PRKN: variants seen among roughly 807,000 people sequenced by gnomAD.
The protein encoded by PRKN is E3 ubiquitin-protein ligase parkin.
PRKN carries 56 observed loss-of-function variants against 59.5 expected under a neutral mutation model. The observed-to-expected ratio is 0.94, with a 90% CI of 0.76 to 1.18. PRKN has a LOEUF of 1.18. Among genes scored for constraint, PRKN ranks in the 50% most tolerant of loss-of-function variants. PRKN has a pLI of 0.00. For synonymous variants in PRKN, 250 were observed against 222.1 expected (o/e 1.13, Z -1.12); for missense variants, 657 against 596.4 (o/e 1.10, Z -1.06).
chr6:162,142,423 A>G (rs1356554407), intron 4 of PRKN, among the ~76,000 whole-genome samples: 1 of 152,186 alleles, frequency 6.6e-6, no homozygotes, highest in Non-Finnish European at 1.5e-5. Flanking sequence ...CCTCATTTGA[A>G]TAATGGAGAT....
chr6:161,393,613 T>C lies in PRKN; in HGVS notation c.1084-6736A>G, dbSNP rs1157907357. On this transcript the variant is annotated intron_variant, in intron 9 of 11. Transcript: ENST00000366898. This position sits in a 1 kb window ranked among gnomAD's most constrained non-coding sequence, Gnocchi z 4.7. ...AGGGGCTGTATGTGTACTTTCTCTG[T>C]GGAAGCATGAAAAGGAAGCAAATGA... Among the ~76,000 whole-genome samples, 1 of 152,138 alleles carries C rather than the reference T, an allele frequency of 6.6e-6. No individual in the cohort carries two copies. Among genetic ancestry groups the C allele is most frequent in the Admixed American group, 6.5e-5 (1 of 15,280 alleles).
At chr6:161,569,078 G>T (rs2115479097) in intron 8 of PRKN, among the ~76,000 whole-genome samples, 1 of 152,202 alleles carries the variant, frequency 6.6e-6, no homozygotes, top group East Asian at 1.9e-4. Flanking sequence ...TTATTTGTTT[G>T]CTCATCTGCC....
chr6:162,453,903 C>A (rs1283465958), intron 1 of PRKN, among the ~76,000 whole-genome samples: 1 of 151,188 alleles, frequency 6.6e-6, no homozygotes, highest in African/African-American at 2.4e-5. Context: ...GACTGTGTCT[C>A]CAAAAAAAAA....
At chr6:162,021,187 TATATATATA>T (rs1340165789) in intron 5 of PRKN, among the ~76,000 whole-genome samples, 6 of 22,758 alleles carry the variant, frequency 2.6e-4, no homozygotes, top group Non-Finnish European at 4.3e-4. Context: ...GTATATATAT[TATATATATA>T]ATATATATAA....
At chr6:161,873,470 T>TG (rs1475243783) in intron 6 of PRKN, among the ~76,000 whole-genome samples, 1 of 151,170 alleles carries the variant, frequency 6.6e-6, no homozygotes, top group African/African-American at 2.4e-5. Context: ...CTAAATACAA[T>TG]GCGTATCGGA....
At chr6:162,113,852 A>G (rs1016821891) in intron 4 of PRKN, among the ~76,000 whole-genome samples, 1 of 152,070 alleles carries the variant, frequency 6.6e-6, no homozygotes, top group Non-Finnish European at 1.5e-5. Context: ...TTTTAGGTCT[A>G]ACGTTTAAGT....
chr6:161,811,389 G>C (rs1190369425), intron 6 of PRKN, among the ~76,000 whole-genome samples: 1 of 152,182 alleles, frequency 6.6e-6, no homozygotes, highest in African/African-American at 2.4e-5. Context: ...AATCAAGCCA[G>C]TGTGGTACTG....
chr6:161,660,933 G>A (rs148598871), intron 7 of PRKN, among the ~76,000 whole-genome samples: 3 of 152,176 alleles, frequency 2.0e-5, no homozygotes, highest in African/African-American at 7.2e-5. Context: ...AGTCTTCCGT[G>A]ACTCAGGCCG....
In PRKN at chr6:161,423,165, G is replaced by C. The variant is rs925781659; in HGVS notation, c.1084-36288C>G. On this transcript the variant is annotated intron_variant, in intron 9 of 11. Coordinates refer to ENST00000366898, the MANE Select transcript of PRKN (RefSeq NM_004562.3). The surrounding 1 kb of genome is among the most constrained non-coding windows in gnomAD (Gnocchi z 5.9). ...GGTGTGAGATATCAGCATCTTTAATGTATGCCAGCCTTGCATGGGTTTGGT... is the reference window on the plus strand; with the variant it reads ...GGTGTGAGATATCAGCATCTTTAATCTATGCCAGCCTTGCATGGGTTTGGT... Among the ~76,000 whole-genome samples the C allele has an allele frequency of 6.6e-6, 1 of 152,154 alleles. No individual in the cohort carries two copies. The highest frequency in any genetic ancestry group is 6.6e-5 in the Admixed American group (1 of 15,244).
At position 161,467,589 on chromosome 6, in the gene PRKN, G is replaced by A. The variant is rs1314653776; in HGVS notation, c.1084-80712C>T. On this transcript the variant is annotated intron_variant, in intron 9 of 11. Transcript: ENST00000366898. This position sits in a 1 kb window ranked among gnomAD's most constrained non-coding sequence, Gnocchi z 4.3. Reference sequence around the variant, plus strand: ...ATGGGAATGCAGGTTGAGAGGTGCTGAGCCTAAAAGGAGGATACAGGGAAG... The same window carrying A: ...ATGGGAATGCAGGTTGAGAGGTGCTAAGCCTAAAAGGAGGATACAGGGAAG... Among the ~76,000 whole-genome samples the A allele has an allele frequency of 6.6e-6, 1 of 152,200 alleles. No individual in the cohort carries two copies. Among genetic ancestry groups the A allele is most frequent in the African/African-American group, 2.4e-5 (1 of 41,452 alleles).
chr6:162,181,351 A>G (rs1783796660), intron 4 of PRKN, among the ~76,000 whole-genome samples: 1 of 152,198 alleles, frequency 6.6e-6, no homozygotes, highest in African/African-American at 2.4e-5. Context: ...CAAAGAATAC[A>G]AGTGGATGCT....
chr6:161,446,222 C>G lies in PRKN; in HGVS notation c.1084-59345G>C, dbSNP rs1012245934. 6.6e-6 allele frequency among the ~76,000 whole-genome samples: 1 copy of G among 151,876 alleles called. No individual in the cohort carries two copies. Among genetic ancestry groups the G allele is most frequent in the African/African-American group, 2.4e-5 (1 of 41,388 alleles). ...AACAGAGAGAGATCTTATCTCAGAA[C>G]AAAACAAAAAAATTGGAGAAGGGAT... On this transcript the variant is annotated intron_variant, in intron 9 of 11. Coordinates refer to ENST00000366898, the MANE Select transcript of PRKN (RefSeq NM_004562.3). The surrounding 1 kb of genome is among the most constrained non-coding windows in gnomAD (Gnocchi z 6.2).
intron 1 of PRKN, among the ~76,000 whole-genome samples, chr6:162,551,148 G>C (rs1398701303): frequency 6.6e-6 from 1 of 152,080 alleles, no homozygotes; most frequent in Non-Finnish European, 1.5e-5. Context: ...ATACAAACGA[G>C]ATTCTATTAA....
chr6:161,909,495 A>G (rs2128236720), intron 6 of PRKN, among the ~76,000 whole-genome samples: 1 of 152,234 alleles, frequency 6.6e-6, no homozygotes, highest in East Asian at 1.9e-4. Context: ...GAGCGCTTGC[A>G]TACTTTCTTC....
intron 6 of PRKN, among the ~76,000 whole-genome samples, chr6:161,878,404 C>T (rs1794813501): frequency 6.6e-6 from 1 of 152,112 alleles, no homozygotes; most frequent in Non-Finnish European, 1.5e-5. Context: ...CCCTCCCAAT[C>T]ACCATCCCCT....
chr6:162,204,011 G>A (rs755749602), intron 3 of PRKN, among the ~76,000 whole-genome samples: 2 of 152,134 alleles, frequency 1.3e-5, no homozygotes, highest in African/African-American at 2.4e-5. Flanking sequence ...GCATATAGCT[G>A]TGTACACATA....
intron 3 of PRKN, among the ~76,000 whole-genome samples, chr6:162,233,488 G>T (rs568256190): frequency 4.1e-4 from 63 of 152,242 alleles, no homozygotes; most frequent in African/African-American, 1.4e-3. Context: ...CCTCAGTTAT[G>T]TTAATGGAAA....
At chr6:161,872,754 C>A (rs570233671) in intron 6 of PRKN, among the ~76,000 whole-genome samples, 79 of 152,196 alleles carry the variant, frequency 5.2e-4, no homozygotes, top group African/African-American at 1.8e-3. Flanking sequence ...GGAGTAAGAG[C>A]ACCTGAGCCC....
rs555557925 is a variant in PRKN, at chr6:161,548,827, C to T, written c.1083+27G>A. 68 of 1,610,234 alleles carry T rather than the reference C, an allele frequency of 4.2e-5. No individual in the cohort carries two copies. Among genetic ancestry groups the T allele is most frequent in the East Asian group, 6.7e-5 (3 of 44,850 alleles). ...AAAGCAAACAAGGACAGGAACACAC[C>T]GCTCCAGGGGTGTGGGCAGTACTCA... On this transcript the variant is annotated intron_variant, in intron 9 of 11. Transcript: ENST00000366898. This position sits in a 1 kb window ranked among gnomAD's most constrained non-coding sequence, Gnocchi z 4.2.
Sources: allele counts gnomAD v4.1 joint callset (sites outside exome capture counted in the v4.1 genomes callset), GRCh38; gene constraint gnomAD v4.1.1; non-coding constraint Gnocchi (gnomAD v3.1); transcripts MANE v1.5; gene names NCBI Gene and HGNC (gene_info 2026-07-23, HGNC 2026-07-21).